Variants in LRRC4C observed in about 807,000 individuals in gnomAD.
LRRC4C encodes leucine rich repeat containing 4C, also known as leucine-rich repeat-containing protein 4C.
In LRRC4C, 5 loss-of-function variants were observed where a neutral mutation model predicts 33.6. The ratio of observed to expected loss-of-function variants is 0.15; its 90% CI spans 0.08 to 0.31. The LOEUF is 0.31. LRRC4C is among the 10% of genes least tolerant of loss of function. The pLI is 1.00. For synonymous variants in LRRC4C, 329 were observed against 302.0 expected, an observed-to-expected ratio of 1.09 and a Z score of -0.93; for missense variants, 560 against 796.7, an observed-to-expected ratio of 0.70 and a Z score of 3.58.
rs566779411 is a variant in LRRC4C at position 41,126,816 on chromosome 11, T to G, written c.-495-193093A>C. 2.5e-3 allele frequency among the ~76,000 whole-genome samples: 380 copies of G among 152,138 alleles called. 1 individual carries two copies. Among genetic ancestry groups the G allele is most frequent in the Non-Finnish European group, 5.0e-3 (342 of 68,000 alleles). Reference sequence around the variant, plus strand: ...CAATCCAGCTGAGGTACCTATTACGTGAGCAACGCCGCTGTAGAACATGAG... The same window carrying G: ...CAATCCAGCTGAGGTACCTATTACGGGAGCAACGCCGCTGTAGAACATGAG... On this transcript the variant is annotated intron_variant, in intron 1 of 6. Transcript: ENST00000528697.
intron 1 of LRRC4C, among the ~76,000 whole-genome samples, chr11:41,069,118 C>T (rs534869492): frequency 2.6e-5 from 4 of 152,212 alleles, no homozygotes; most frequent in South Asian, 4.1e-4. Context: ...ATTCAACATT[C>T]GCAAATCAAT....
chr11:40,753,361 A>T (rs746328644), intron 2 of LRRC4C, among the ~76,000 whole-genome samples: 1 of 151,984 alleles, frequency 6.6e-6, no homozygotes, highest in Non-Finnish European at 1.5e-5. Flanking sequence ...ATTATTGAAC[A>T]ATTTGTTTAT....
At position 40,984,425 on chromosome 11, in the gene LRRC4C, GAAAGAGAA is replaced by G. The variant is rs1376950132; in HGVS notation, c.-495-50710_-495-50703del. ...AAAGAAAGAAAGAAAGAGAAAGAAA[GAAAGAGAA>G]AAAGAAAGAAAGAAAGACAGACAGA... On this transcript the variant is annotated intron_variant, in intron 1 of 6. Transcript: ENST00000528697. 2.2e-5 allele frequency among the ~76,000 whole-genome samples: 3 copies of G among 134,622 alleles called. No homozygotes were observed. The East Asian group carries it at 6.1e-4, about 27-fold the overall frequency. 88.3% of individuals were successfully genotyped at this position (134,622 alleles called of 152,430 possible).
intron 3 of LRRC4C, among the ~76,000 whole-genome samples, chr11:40,497,403 A>T (rs1417718279): frequency 1.4e-5 from 2 of 145,014 alleles, no homozygotes; most frequent in Non-Finnish European, 3.0e-5. Context: ...AAATTCCATT[A>T]AAAAAAAAAG....
At chr11:40,190,848 T>C (rs1287380385) in intron 5 of LRRC4C, among the ~76,000 whole-genome samples, 2 of 152,160 alleles carry the variant, frequency 1.3e-5, no homozygotes, top group East Asian at 3.9e-4. Context: ...GATTTTTATA[T>C]CATTTTTCTC....
intron 3 of LRRC4C, among the ~76,000 whole-genome samples, chr11:40,493,312 C>A (rs1426984442): frequency 1.3e-5 from 2 of 151,960 alleles, no homozygotes; most frequent in Non-Finnish European, 2.9e-5. Context: ...TTTGTCTATA[C>A]CTATTCCAAA....
intron 1 of LRRC4C, among the ~76,000 whole-genome samples, chr11:41,101,931 T>A (rs1357240906): frequency 6.6e-6 from 1 of 151,934 alleles, no homozygotes; most frequent in East Asian, 1.9e-4. Flanking sequence ...AGCCAAATGA[T>A]AAGAACACAA....
intron 2 of LRRC4C, among the ~76,000 whole-genome samples, chr11:40,873,157 T>C (rs1276457177): frequency 6.6e-6 from 1 of 152,118 alleles, no homozygotes; most frequent in Non-Finnish European, 1.5e-5. Context: ...CTTGGGCAAA[T>C]TGCTTCCTCC....
At chr11:40,346,900 C>T (rs1359095833) in intron 3 of LRRC4C, among the ~76,000 whole-genome samples, 2 of 152,284 alleles carry the variant, frequency 1.3e-5, no homozygotes, top group East Asian at 3.9e-4. Context: ...CAGGCTTTGT[C>T]ATTCCATTAA....
rs541556000 is a variant in LRRC4C at position 40,932,160 on chromosome 11, G to A, written c.-407+1475C>T. ...AGAGAGGAGGGAGTTATTACTGTTG[G>A]TTATCTTGGTGAGAGTAATTTAAGC... On this transcript the variant is annotated intron_variant, in intron 2 of 6. Coordinates refer to ENST00000528697, the MANE Select transcript of LRRC4C (RefSeq NM_001258419.2). Among the ~76,000 whole-genome samples, 3 of 152,170 alleles carry A rather than the reference G, an allele frequency of 2.0e-5. No individual in the cohort carries two copies. The East Asian group carries it at 5.8e-4, about 29-fold the overall frequency.
At chr11:40,156,193 G>A (rs1268363207) in intron 5 of LRRC4C, among the ~76,000 whole-genome samples, 2 of 152,052 alleles carry the variant, frequency 1.3e-5, no homozygotes, top group African/African-American at 4.8e-5. Context: ...GCATACAAGA[G>A]ACATACCTGA....
At chr11:41,121,256 A>G (rs1942415441) in intron 1 of LRRC4C, among the ~76,000 whole-genome samples, 1 of 152,264 alleles carries the variant, frequency 6.6e-6, no homozygotes, top group South Asian at 2.1e-4. Context: ...CGGTCGGTCA[A>G]AAAGTCAGTC....
At chr11:40,759,365 T>C (rs1165107931) in intron 2 of LRRC4C, among the ~76,000 whole-genome samples, 1 of 151,130 alleles carries the variant, frequency 6.6e-6, no homozygotes, top group Non-Finnish European at 1.5e-5. Flanking sequence ...TCAGTGATAA[T>C]TTAAGTGGTT....
chr11:41,316,082 G>A (rs1950777410), intron 1 of LRRC4C, among the ~76,000 whole-genome samples: 1 of 151,978 alleles, frequency 6.6e-6, no homozygotes, highest in African/African-American at 2.4e-5. Context: ...TGAACCTCAT[G>A]TCCAGCTCCA....
intron 2 of LRRC4C, among the ~76,000 whole-genome samples, chr11:40,702,843 A>G (rs1452736348): frequency 6.6e-6 from 1 of 152,080 alleles, no homozygotes; most frequent in Non-Finnish European, 1.5e-5. Context: ...CATTGAATTC[A>G]ATATCTTTGG....
chr11:41,297,101 G>A (rs1950165131), intron 1 of LRRC4C, among the ~76,000 whole-genome samples: 1 of 152,120 alleles, frequency 6.6e-6, no homozygotes, highest in African/African-American at 2.4e-5. Flanking sequence ...AAGAATCTTG[G>A]ATTTTGTCAA....
At chr11:40,738,549 T>C (rs1947999640) in intron 2 of LRRC4C, among the ~76,000 whole-genome samples, 1 of 152,110 alleles carries the variant, frequency 6.6e-6, no homozygotes, top group Admixed American at 6.6e-5. Flanking sequence ...AAATCAACTA[T>C]ATGCAAATAA....
intron 2 of LRRC4C, among the ~76,000 whole-genome samples, chr11:40,717,174 G>A (rs77236846): frequency 0.017 from 2,527 of 152,014 alleles, 66 homozygotes; most frequent in African/African-American, 0.058. Context: ...GGCAAATTCC[G>A]TTTATTTGTC....
At chr11:40,540,237 G>C (rs1956649741) in intron 3 of LRRC4C, among the ~76,000 whole-genome samples, 1 of 152,148 alleles carries the variant, frequency 6.6e-6, no homozygotes, top group South Asian at 2.1e-4. Context: ...GTGCTGAACT[G>C]AATAGGTGTC....
Sources: gnomAD v4.1 joint callset for allele counts (sites outside exome capture counted in the v4.1 genomes callset) on GRCh38, gnomAD v4.1.1 for gene constraint, MANE v1.5 for transcripts, NCBI Gene and HGNC (gene_info 2026-07-23, HGNC 2026-07-21) for gene names.